RNF13: variants seen among roughly 807,000 people sequenced by gnomAD.
RNF13 encodes ring finger protein 13.
RNF13 carries 19 observed loss-of-function variants against 37.7 expected under a neutral mutation model. That is an observed-to-expected ratio of 0.50 (90% CI 0.35 to 0.74). The LOEUF (loss-of-function observed/expected upper bound fraction) is 0.74. Among genes scored for constraint, RNF13 ranks in the 30% least tolerant of loss-of-function variants. The pLI, the probability that RNF13 is intolerant of heterozygous loss-of-function variation, is 0.01. For missense variants in RNF13, 375 were observed against 453.0 expected, an observed-to-expected ratio of 0.83 and a Z score of 1.56; for synonymous variants, 144 against 157.8, an observed-to-expected ratio of 0.91 and a Z score of 0.65.
At chr3:149,820,247 T>C (rs1157534409) in intron 1 of RNF13, among the ~76,000 whole-genome samples, 1 of 152,046 alleles carries the variant, frequency 6.6e-6, no homozygotes, top group East Asian at 1.9e-4. Context: ...AGAGACCGTC[T>C]TTTTCTGTCA....
At chr3:149,859,138 A>C (rs1723963035) in intron 3 of RNF13, among the ~76,000 whole-genome samples, 1 of 152,202 alleles carries the variant, frequency 6.6e-6, no homozygotes, top group African/African-American at 2.4e-5. Flanking sequence ...GGACTTCCTC[A>C]CCCTTATGTT....
At chr3:149,821,395 AT>A (rs1393370069) in intron 1 of RNF13, among the ~76,000 whole-genome samples, 3 of 152,038 alleles carry the variant, frequency 2.0e-5, no homozygotes, top group Admixed American at 6.6e-5. Flanking sequence ...TGTGGTTTTG[AT>A]TTGCGTTTCC....
rs550386140 is a variant in RNF13 at position 149,914,692 on chromosome 3, T to TG, written c.606+2612dup. Among the ~76,000 whole-genome samples the TG allele has an allele frequency of 4.9e-3, 753 of 152,234 alleles. 2 individuals carry two copies. The highest frequency in any genetic ancestry group is 0.017 in the African/African-American group (726 of 41,528). ...GCTCACACCTGTAATCCCAGCACTTTGGGAGGCCAAGGCGGGCGGATCACC... is the reference window on the plus strand; with the variant it reads ...GCTCACACCTGTAATCCCAGCACTTTGGGGAGGCCAAGGCGGGCGGATCACC... On this transcript the variant is annotated intron_variant, in intron 7 of 9. Coordinates refer to ENST00000392894, the MANE Select transcript of RNF13 (RefSeq NM_183381.3).
rs150866145 is a variant in RNF13 at position 149,922,010 on chromosome 3, G to T, written c.700+783G>T. 7.2e-3 allele frequency among the ~76,000 whole-genome samples: 1,096 copies of T among 151,728 alleles called. 11 individuals are homozygous for T. Among genetic ancestry groups the T allele is most frequent in the African/African-American group, 0.025 (1,037 of 41,344 alleles). On this transcript the variant is annotated intron_variant, in intron 8 of 9. Coordinates refer to ENST00000392894, the MANE Select transcript of RNF13 (RefSeq NM_183381.3). ...TTCTTTTGAGACGGAGTCTCACTCT[G>T]TCACCCAGGCTGGAGTGCAGTGGTG...
At chr3:149,885,832 C>A (rs546036570) in intron 4 of RNF13, among the ~76,000 whole-genome samples, 1 of 152,200 alleles carries the variant, frequency 6.6e-6, no homozygotes, top group East Asian at 1.9e-4. Flanking sequence ...AGATTTTCCC[C>A]AATGTTTTCT....
intron 1 of RNF13, among the ~76,000 whole-genome samples, chr3:149,825,503 C>G (rs1720412363): frequency 6.6e-6 from 1 of 152,176 alleles, no homozygotes; most frequent in Non-Finnish European, 1.5e-5. Context: ...ACATTCCAGG[C>G]CTGGTGCCTG....
At chr3:149,939,133 C>A in intron 8 of RNF13, 1 of 511,358 alleles carries the variant, frequency 2.0e-6, no homozygotes, top group South Asian at 1.5e-5. Flanking sequence ...GGAGTTTTTT[C>A]CTGTTTTTTG....
chr3:149,887,687 A>G (rs1043194957), intron 4 of RNF13, among the ~76,000 whole-genome samples: 1 of 152,078 alleles, frequency 6.6e-6, no homozygotes, highest in African/African-American at 2.4e-5. Context: ...TTCTTCATCC[A>G]TATGCACTTT....
At chr3:149,940,401 T>C (rs1400080956) in intron 8 of RNF13, among the ~76,000 whole-genome samples, 2 of 152,194 alleles carry the variant, frequency 1.3e-5, no homozygotes, top group African/African-American at 4.8e-5. Context: ...CATAATTGAA[T>C]ATATTATTGC....
chr3:149,828,562 T>C (rs1164739982), intron 1 of RNF13, among the ~76,000 whole-genome samples: 3 of 152,250 alleles, frequency 2.0e-5, no homozygotes, highest in Non-Finnish European at 4.4e-5. Context: ...GTCTTTTTCT[T>C]GTTTGCTGTG....
intron 1 of RNF13, among the ~76,000 whole-genome samples, chr3:149,828,409 T>G (rs1170213462): frequency 1.3e-5 from 2 of 152,218 alleles, no homozygotes; most frequent in African/African-American, 4.8e-5. Flanking sequence ...ACATTCTGGT[T>G]TGGGAGATAG....
At chr3:149,869,589 G>A (rs1711770535) in intron 3 of RNF13, among the ~76,000 whole-genome samples, 1 of 151,516 alleles carries the variant, frequency 6.6e-6, no homozygotes, top group Non-Finnish European at 1.5e-5. Context: ...CTGGGCGACA[G>A]AGCGAGACTC....
intron 8 of RNF13, among the ~76,000 whole-genome samples, chr3:149,943,821 TA>T (rs1720510436): frequency 6.6e-6 from 1 of 150,934 alleles, no homozygotes; most frequent in South Asian, 2.1e-4. Context: ...TTTTTTTTTT[TA>T]TATATATACT....
chr3:149,849,966 CTA>C (rs1722983639), intron 2 of RNF13, among the ~76,000 whole-genome samples: 1 of 151,512 alleles, frequency 6.6e-6, no homozygotes, highest in Non-Finnish European at 1.5e-5. Context: ...TGAGGAGTAA[CTA>C]TTTTCTACTT....
Position 149,872,103 on chromosome 3 carries a change from T to C in RNF13, c.270T>C (p.Ser90=). ...IVPPPVKDNS[S]GTFIVLIRRL... ...CTCCACCAGTAAAAGACAATTCATC[T>C]GGCACTTTCATCGTGTTAATTAGAA... The change falls in exon 4 of 10, where the codon TCT becomes TCC. Residue 90 remains serine (S), a synonymous_variant. Coordinates refer to ENST00000392894, the MANE Select transcript of RNF13 (RefSeq NM_183381.3). The C allele has an allele frequency of 6.2e-7, 1 of 1,603,024 alleles. No homozygotes were observed. The highest frequency in any genetic ancestry group is 8.5e-7 in the Non-Finnish European group (1 of 1,172,726).
At chr3:149,832,975 A>G (rs1047124664) in intron 1 of RNF13, among the ~76,000 whole-genome samples, 3 of 152,080 alleles carry the variant, frequency 2.0e-5, no homozygotes, top group African/African-American at 7.2e-5. Flanking sequence ...ATTTTTCTCA[A>G]ACTCTTCCCA....
At chr3:149,826,749 A>G (rs918865587) in intron 1 of RNF13, among the ~76,000 whole-genome samples, 1 of 152,122 alleles carries the variant, frequency 6.6e-6, no homozygotes, top group African/African-American at 2.4e-5. Context: ...TTAATTTATT[A>G]TTTCATAGTA....
intron 1 of RNF13, among the ~76,000 whole-genome samples, chr3:149,830,089 C>G (rs980963944): frequency 7.6e-6 from 1 of 131,210 alleles, no homozygotes; most frequent in South Asian, 2.8e-4. Flanking sequence ...ATAAATTACC[C>G]AGTCTTGAGT....
chr3:149,948,011 G>A (rs570081454), intron 8 of RNF13, among the ~76,000 whole-genome samples: 4 of 152,104 alleles, frequency 2.6e-5, no homozygotes, highest in African/African-American at 9.6e-5. Flanking sequence ...GTGCAGTGGC[G>A]CGATCTCGGC....
Sources: gnomAD v4.1 joint callset for allele counts (sites outside exome capture counted in the v4.1 genomes callset) on GRCh38, gnomAD v4.1.1 for gene constraint, MANE v1.5 for transcripts, NCBI Gene and HGNC (gene_info 2026-07-23, HGNC 2026-07-21) for gene names.